Variants in EIF2AK1 observed in about 807,000 individuals in gnomAD.
EIF2AK1 encodes eukaryotic translation initiation factor 2 alpha kinase 1, also known as eukaryotic translation initiation factor 2-alpha kinase 1.
Under a neutral mutation model 77.9 loss-of-function variants are expected in EIF2AK1, and 54 were observed. That is an observed-to-expected ratio of 0.69 (90% confidence interval 0.56 to 0.87). The LOEUF is 0.87. Ranked by LOEUF, EIF2AK1 falls within the 40% of genes least tolerant of loss-of-function variation. The probability of loss-of-function intolerance (pLI) is 0.00; values close to 1 mark genes in which losing one functional copy is unlikely to be tolerated. For missense variants in EIF2AK1, 810 were observed against 768.6 expected, an observed-to-expected ratio of 1.05 and a Z score of -0.64; for synonymous variants, 314 against 290.5, an observed-to-expected ratio of 1.08 and a Z score of -0.82.
At chr7:6,028,104 G>A (rs1239086410) in intron 13 of EIF2AK1, 2 of 348,176 alleles carry the variant, frequency 5.7e-6, no homozygotes, top group East Asian at 8.2e-5. Context: ...TGACATCTGT[G>A]GATTTTGAAA....
rs571587014 is a variant in EIF2AK1, at chr7:6,035,435, C to G, written c.1332+1989G>C. On this transcript the variant is annotated intron_variant, in intron 11 of 14. Transcript: ENST00000199389. This position sits in a 1 kb window ranked among gnomAD's most constrained non-coding sequence, Gnocchi z 5.5. Reference sequence around the variant, plus strand: ...ATTCAGTGTAACGTGTAATCAATACCCATTCTAGGGACACGACAGGCCTCA... The same window carrying G: ...ATTCAGTGTAACGTGTAATCAATACGCATTCTAGGGACACGACAGGCCTCA... 9 of 1,545,602 alleles carry G rather than the reference C, an allele frequency of 5.8e-6. No homozygotes were observed. The African/African-American group carries it at 1.1e-4, about 19-fold the overall frequency.
chr7:6,043,602 TA>T (rs1788359540), intron 7 of EIF2AK1, among the ~76,000 whole-genome samples: 1 of 151,670 alleles, frequency 6.6e-6, no homozygotes, highest in Admixed American at 6.6e-5. Context: ...CTCATTTTTG[TA>T]TTTTTATTAG....
In EIF2AK1 at chr7:6,023,825, A is replaced by T. The variant is rs534281259; in HGVS notation, c.*848T>A. 2 of 1,560,262 alleles carry T rather than the reference A, an allele frequency of 1.3e-6. No individual in the cohort carries two copies. The highest frequency in any genetic ancestry group is 1.7e-6 in the Non-Finnish European group (2 of 1,151,348). ...GTTGTCAAGTGTCAATAAAAGCATC[A>T]TGTAATTTATGGTTTTCATTTTATT... On this transcript the variant is annotated 3_prime_UTR_variant, in exon 15 of 15. Coordinates refer to ENST00000199389, the MANE Select transcript of EIF2AK1 (RefSeq NM_014413.4).
At chr7:6,056,611 A>AAAAAAAAAAAAAAAAAAAAT (rs1788773483) in intron 1 of EIF2AK1, among the ~76,000 whole-genome samples, 1 of 31,160 alleles carries the variant, frequency 3.2e-5, no homozygotes, top group African/African-American at 1.2e-4. Flanking sequence ...AAAAAAAAAA[A>AAAAAAAAAAAAAAAAAAAAT]AAATATATAT....
Position 6,023,721 on chromosome 7 carries a change from A to AT in EIF2AK1, c.*951dup, listed in dbSNP as rs1197264213. 10 of 1,614,038 alleles carry AT rather than the reference A, an allele frequency of 6.2e-6. No homozygotes were observed. The highest frequency in any genetic ancestry group is 8.5e-6 in the Non-Finnish European group (10 of 1,180,038). On this transcript the variant is annotated 3_prime_UTR_variant, in exon 15 of 15. Coordinates refer to ENST00000199389, the MANE Select transcript of EIF2AK1 (RefSeq NM_014413.4). ...CCGTAACTGATTTTAAAGGGTTTAG[A>AT]TTTTAAGAATGGTGCTCTTTCATGC...
Position 6,058,992 on chromosome 7 carries a change from G to T in EIF2AK1, c.92C>A (p.Ala31Asp). 6.5e-7 allele frequency: 1 copy of T among 1,541,550 alleles called. No homozygotes were observed. Among genetic ancestry groups the T allele is most frequent in the Non-Finnish European group, 8.7e-7 (1 of 1,147,616 alleles). Residue 31 changes from alanine to aspartate, a missense_variant, in exon 1 of 15, where the codon GCC (alanine) becomes GAC (aspartate). Transcript: ENST00000199389. Reference protein sequence around the residue: ...VAAPPAIDFPAEGPDPEYDES... With the variant: ...VAAPPAIDFPDEGPDPEYDES... ...GTCATATTCGGGGTCCGGGCCCTCG[G>T]CGGGAAAGTCGATGGCCGGCGGCGC...
Position 6,022,247 on chromosome 7 carries a change from T to A in EIF2AK1, c.*2426A>T, listed in dbSNP as rs1787477914. The A allele has an allele frequency of 1.3e-5, 2 of 152,138 alleles. No individual in the cohort carries two copies. The highest frequency in any genetic ancestry group is 4.8e-5 in the African/African-American group (2 of 41,424). 9.4% of individuals were successfully genotyped at this position (152,138 alleles called of 1,614,324 possible). A position where few individuals can be genotyped will look rare whatever the true frequency, so the allele number is the denominator to read the frequency against. On this transcript the variant is annotated 3_prime_UTR_variant, in exon 15 of 15. Coordinates refer to ENST00000199389, the MANE Select transcript of EIF2AK1 (RefSeq NM_014413.4). ...TGAGCCACCATGCCCAGCATCCTTA[T>A]TATTTTCTTAACATTTTCTCAAGTT... is the stretch of plus-strand genomic sequence containing the variant.
At chr7:6,045,218 G>A (rs1788412734) in intron 6 of EIF2AK1, among the ~76,000 whole-genome samples, 1 of 151,212 alleles carries the variant, frequency 6.6e-6, no homozygotes, top group South Asian at 2.1e-4. Context: ...TCATTCCTGT[G>A]CCTCAGCCTC....
At chr7:6,038,416 C>T in intron 10 of EIF2AK1, 144 bp downstream of exon 10, 2 of 554,970 alleles carry the variant, frequency 3.6e-6, no homozygotes, top group Non-Finnish European at 6.1e-6. Context: ...GCCTGAGCAA[C>T]AAACAGAGCA....
intron 11 of EIF2AK1, chr7:6,031,269 A>T: frequency 8.9e-7 from 1 of 1,126,896 alleles, no homozygotes; most frequent in Non-Finnish European, 1.3e-6. Flanking sequence ...CCAATTCTCG[A>T]CAAATTCTAG....
intron 2 of EIF2AK1, among the ~76,000 whole-genome samples, chr7:6,051,010 T>A (rs1381724371): frequency 1.3e-5 from 2 of 152,036 alleles, no homozygotes. Flanking sequence ...GTAAACAAAC[T>A]CTTCTGACAT....
chr7:6,045,301 G>A (rs1220626885), intron 6 of EIF2AK1, among the ~76,000 whole-genome samples: 1 of 151,938 alleles, frequency 6.6e-6, no homozygotes, highest in Non-Finnish European at 1.5e-5. Context: ...AGACAGGGTT[G>A]TGCTATGTTG....
chr7:6,030,540 C>T (rs2128885813), intron 11 of EIF2AK1, among the ~76,000 whole-genome samples: 1 of 152,270 alleles, frequency 6.6e-6, no homozygotes. Context: ...TGCTGTGTCG[C>T]CAGGCTGGAG....
Position 6,035,401 on chromosome 7 carries a change from C to T in EIF2AK1, c.1332+2023G>A. ...ATTAACTGTCCACGTAGAGCCGTTC[C>T]CACTGTGAATTCAGTGTAACGTGTA... On this transcript the variant is annotated intron_variant, in intron 11 of 14. Coordinates refer to ENST00000199389, the MANE Select transcript of EIF2AK1 (RefSeq NM_014413.4). This position sits in a 1 kb window ranked among gnomAD's most constrained non-coding sequence, Gnocchi z 5.5. 1 of 1,509,662 alleles carries T rather than the reference C, an allele frequency of 6.6e-7. No individual in the cohort carries two copies. The highest frequency in any genetic ancestry group is 1.2e-5 in the South Asian group (1 of 80,748). 93.5% of individuals were successfully genotyped at this position (1,509,662 alleles called of 1,614,324 possible).
At chr7:6,038,833 A>C (rs1183381695) in intron 9 of EIF2AK1, among the ~76,000 whole-genome samples, 162 bp from the exon 10 acceptor site, 1 of 152,204 alleles carries the variant, frequency 6.6e-6, no homozygotes, top group Non-Finnish European at 1.5e-5. Flanking sequence ...AAGTGTCCTC[A>C]GGACACAGGC....
chr7:6,039,705 C>T (rs1379023181), intron 9 of EIF2AK1, among the ~76,000 whole-genome samples: 2 of 149,504 alleles, frequency 1.3e-5, no homozygotes, highest in Non-Finnish European at 2.9e-5. Flanking sequence ...GAGGCCGAGG[C>T]AGGTGGATCA....
chr7:6,041,334 T>C, intron 8 of EIF2AK1, 115 bp from the exon 9 acceptor site: 5 of 1,058,006 alleles, frequency 4.7e-6, no homozygotes, highest in Non-Finnish European at 4.0e-6. Flanking sequence ...AGGTCAGGAG[T>C]TGGAGACCAG....
At chr7:6,043,258 G>T (rs1788347463) in intron 7 of EIF2AK1, among the ~76,000 whole-genome samples, 1 of 152,044 alleles carries the variant, frequency 6.6e-6, no homozygotes, top group South Asian at 2.1e-4. Flanking sequence ...CTGGGACTCT[G>T]CTGTAACTGA....
intron 2 of EIF2AK1, among the ~76,000 whole-genome samples, chr7:6,052,871 G>C (rs1788647382): frequency 6.6e-6 from 1 of 151,978 alleles, no homozygotes; most frequent in African/African-American, 2.4e-5. Flanking sequence ...GGTGAGGCAG[G>C]AGAATCACTT....
Sources: gnomAD v4.1 joint callset for allele counts (sites outside exome capture counted in the v4.1 genomes callset) on GRCh38, gnomAD v4.1.1 for gene constraint, Gnocchi (gnomAD v3.1) non-coding constraint, MANE v1.5 for transcripts, NCBI Gene and HGNC (gene_info 2026-07-23, HGNC 2026-07-21) for gene names.